Variants in COL23A1 observed in about 807,000 individuals in gnomAD.
COL23A1 encodes collagen alpha-1(XXIII) chain.
COL23A1 carries 97 observed loss-of-function variants against 99.3 expected under a neutral mutation model. The ratio of observed to expected loss-of-function variants is 0.98; its 90% confidence interval spans 0.83 to 1.16. COL23A1 has a LOEUF of 1.16. Ranked by LOEUF, COL23A1 falls within the 50% of genes most tolerant of loss-of-function variation. The probability of loss-of-function intolerance (pLI) is 0.00; values close to 1 mark genes in which losing one functional copy is unlikely to be tolerated. For synonymous variants in COL23A1, 320 were observed against 308.2 expected (o/e 1.04, Z -0.40); for missense variants, 762 against 757.4 (o/e 1.01, Z -0.07).
chr5:178,483,361 C>G (rs918129115), intron 2 of COL23A1, among the ~76,000 whole-genome samples: 1 of 152,040 alleles, frequency 6.6e-6, no homozygotes, highest in African/African-American at 2.4e-5. Context: ...GTGCTAGAGG[C>G]ATCCCTAGAA....
At chr5:178,579,450 G>C (rs1309306373) in intron 1 of COL23A1, among the ~76,000 whole-genome samples, 12 of 152,152 alleles carry the variant, frequency 7.9e-5, no homozygotes. Flanking sequence ...CCTCAAGGCT[G>C]AAGTCTTTGT....
intron 2 of COL23A1, among the ~76,000 whole-genome samples, chr5:178,461,861 G>C (rs1207631936): frequency 3.3e-5 from 5 of 152,184 alleles, no homozygotes; most frequent in African/African-American, 1.2e-4. Context: ...AAAATATAGG[G>C]GTGCAAATTG....
At chr5:178,518,404 C>G (rs1759690113) in intron 2 of COL23A1, among the ~76,000 whole-genome samples, 1 of 150,920 alleles carries the variant, frequency 6.6e-6, no homozygotes, top group Admixed American at 6.6e-5. Context: ...TCTCAATGAG[C>G]TGTTGGGCAC....
intron 2 of COL23A1, among the ~76,000 whole-genome samples, chr5:178,463,132 C>T (rs1369922255): frequency 6.6e-6 from 1 of 152,242 alleles, no homozygotes; most frequent in Non-Finnish European, 1.5e-5. Flanking sequence ...TGAACTTCAG[C>T]AGCACGGATG....
intron 2 of COL23A1, among the ~76,000 whole-genome samples, chr5:178,445,307 T>G (rs1470963540): frequency 1.3e-5 from 2 of 152,216 alleles, no homozygotes; most frequent in Non-Finnish European, 2.9e-5. Context: ...CATTTCTTTG[T>G]TTCACTGATT....
chr5:178,304,805 G>A (rs1758263557), intron 3 of COL23A1, among the ~76,000 whole-genome samples: 1 of 152,186 alleles, frequency 6.6e-6, no homozygotes, highest in Admixed American at 6.5e-5. Context: ...TGTACCCCTT[G>A]GAGCCTCAGT....
intron 2 of COL23A1, among the ~76,000 whole-genome samples, chr5:178,349,885 C>T (rs1761221305): frequency 6.6e-6 from 1 of 152,150 alleles, no homozygotes; most frequent in South Asian, 2.1e-4. Flanking sequence ...CCTCTGGTAC[C>T]TCCCTGGGGT....
At chr5:178,578,092 C>G (rs1023405171) in intron 1 of COL23A1, among the ~76,000 whole-genome samples, 18 of 151,352 alleles carry the variant, frequency 1.2e-4, no homozygotes, top group African/African-American at 3.4e-4. Flanking sequence ...CACACACATG[C>G]ATGCACACGC....
chr5:178,296,001 T>C (rs781538350), intron 3 of COL23A1, among the ~76,000 whole-genome samples: 3 of 152,224 alleles, frequency 2.0e-5, no homozygotes, highest in Non-Finnish European at 2.9e-5. Context: ...GCAGGGAGAC[T>C]GACCTCTCAC....
chr5:178,247,644 C>T (rs1414777052), intron 21 of COL23A1, 92 bp from the exon 22 acceptor site: 20 of 1,579,556 alleles, frequency 1.3e-5, no homozygotes, highest in Non-Finnish European at 1.7e-5. Flanking sequence ...TGGGCTCTGC[C>T]CTCTGCCCAT....
At chr5:178,492,762 C>A (rs1019714629) in intron 2 of COL23A1, among the ~76,000 whole-genome samples, 5 of 151,980 alleles carry the variant, frequency 3.3e-5, no homozygotes, top group African/African-American at 1.2e-4. Flanking sequence ...ACAACAGAGG[C>A]TCCTGAGAGG....
At chr5:178,361,460 C>T (rs1168586280) in intron 2 of COL23A1, among the ~76,000 whole-genome samples, 1 of 152,088 alleles carries the variant, frequency 6.6e-6, no homozygotes, top group Non-Finnish European at 1.5e-5. Context: ...AGGGTAGAAG[C>T]TGATGCTCTT....
At chr5:178,405,192 G>A (rs1392656226) in intron 2 of COL23A1, among the ~76,000 whole-genome samples, 1 of 152,222 alleles carries the variant, frequency 6.6e-6, no homozygotes, top group Admixed American at 6.5e-5. Flanking sequence ...TTTGCTCTGG[G>A]AAGTGATGGA....
chr5:178,431,052 G>C (rs931158361), intron 2 of COL23A1, among the ~76,000 whole-genome samples: 4 of 152,146 alleles, frequency 2.6e-5, no homozygotes, highest in African/African-American at 7.2e-5. Context: ...AGGGGAGGGA[G>C]ACCAGAGCCC....
intron 26 of COL23A1, 77 bp from the exon 27 acceptor site, chr5:178,242,205 G>A (rs961974037): frequency 8.0e-5 from 118 of 1,467,410 alleles, no homozygotes; most frequent in Non-Finnish European, 9.7e-5. Flanking sequence ...CGAGAGAAGC[G>A]CGTGGGGCCA....
At chr5:178,347,937 T>C (rs112095091) in intron 2 of COL23A1, among the ~76,000 whole-genome samples, 2 of 151,574 alleles carry the variant, frequency 1.3e-5, no homozygotes, top group African/African-American at 2.4e-5. Context: ...AGAATAAATT[T>C]AAATAGCCAC....
At chr5:178,409,692 G>A (rs1764964432) in intron 2 of COL23A1, among the ~76,000 whole-genome samples, 1 of 152,220 alleles carries the variant, frequency 6.6e-6, no homozygotes, top group Admixed American at 6.5e-5. Context: ...CCATTTGGCA[G>A]TGAAGAATAA....
At chr5:178,356,923 C>A (rs756325377) in intron 2 of COL23A1, among the ~76,000 whole-genome samples, 7 of 152,172 alleles carry the variant, frequency 4.6e-5, no homozygotes, top group Non-Finnish European at 8.8e-5. Context: ...CCCACCTCTC[C>A]AGATAATTAG....
chr5:178,405,512 T>C (rs566371776), intron 2 of COL23A1, among the ~76,000 whole-genome samples: 56 of 152,242 alleles, frequency 3.7e-4, no homozygotes, highest in African/African-American at 1.3e-3. Flanking sequence ...TTGAAAGAGG[T>C]GACTCCTTTC....
Sources: allele counts gnomAD v4.1 joint callset (sites outside exome capture counted in the v4.1 genomes callset), GRCh38; gene constraint gnomAD v4.1.1; transcripts MANE v1.5; gene names NCBI Gene and HGNC (gene_info 2026-07-23, HGNC 2026-07-21).